The following XRCC4 variants were observed in gnomAD, a reference collection of about 807,000 sequenced individuals.
The protein encoded by XRCC4 is DNA repair protein XRCC4.
A neutral mutation model predicts 39.1 loss-of-function variants in XRCC4; 28 were observed. That is an observed-to-expected ratio of 0.72 (90% CI 0.53 to 0.98). The LOEUF (loss-of-function observed/expected upper bound fraction) is 0.98. Ranked by LOEUF, XRCC4 falls within the 50% of genes least tolerant of loss-of-function variation. XRCC4 has a pLI of 0.00. For synonymous variants in XRCC4, 123 were observed against 126.4 expected (o/e 0.97, Z 0.18); for missense variants, 350 against 376.4 (o/e 0.93, Z 0.58).
chr5:83,170,024 CTT>C (rs978463305), intron 3 of XRCC4, among the ~76,000 whole-genome samples: 1 of 152,030 alleles, frequency 6.6e-6, no homozygotes. Context: ...TTAGTAGAAA[CTT>C]AGCCATTTTT....
At chr5:83,137,219 T>A (rs973037982) in intron 3 of XRCC4, among the ~76,000 whole-genome samples, 2 of 152,194 alleles carry the variant, frequency 1.3e-5, no homozygotes, top group African/African-American at 4.8e-5. Context: ...ATAAAATAAC[T>A]GCTAATTAAA....
At chr5:83,258,058 G>C (rs1227634138) in intron 6 of XRCC4, among the ~76,000 whole-genome samples, 1 of 152,064 alleles carries the variant, frequency 6.6e-6, no homozygotes, top group Non-Finnish European at 1.5e-5. Flanking sequence ...AGCAAGAGGA[G>C]GGATACCATT....
chr5:83,201,564 A>G (rs1751199404), intron 4 of XRCC4: 1 of 152,246 alleles, frequency 6.6e-6, no homozygotes, highest in Admixed American at 6.5e-5. Context: ...CCAATGTATA[A>G]CAGCTGTAGG....
At chr5:83,257,903 C>T (rs1753606023) in intron 6 of XRCC4, among the ~76,000 whole-genome samples, 1 of 152,078 alleles carries the variant, frequency 6.6e-6, no homozygotes, top group African/African-American at 2.4e-5. Flanking sequence ...ATGGATGAAG[C>T]TGAAAACCAT....
chr5:83,112,088 A>C (rs1746469719), intron 3 of XRCC4, among the ~76,000 whole-genome samples: 1 of 152,192 alleles, frequency 6.6e-6, no homozygotes, highest in Non-Finnish European at 1.5e-5. Context: ...AATTTATATT[A>C]TCGTGTAGGG....
At chr5:83,323,118 T>C (rs886643631) in intron 7 of XRCC4, among the ~76,000 whole-genome samples, 30 of 152,120 alleles carry the variant, frequency 2.0e-4, no homozygotes, top group Middle Eastern at 3.4e-3. Flanking sequence ...AGATCTGAAC[T>C]GAAGCTTGAA....
chr5:83,132,018 C>G (rs1223012730), intron 3 of XRCC4, among the ~76,000 whole-genome samples: 1 of 152,126 alleles, frequency 6.6e-6, no homozygotes, highest in East Asian at 1.9e-4. Context: ...GTGGCTCATA[C>G]TGGTTGTTCC....
At chr5:83,150,593 A>T (rs1748657715) in intron 3 of XRCC4, among the ~76,000 whole-genome samples, 1 of 152,192 alleles carries the variant, frequency 6.6e-6, no homozygotes, top group Non-Finnish European at 1.5e-5. Context: ...TCTAGGTGTT[A>T]ACTAATGACT....
chr5:83,369,063 T>G, the XRCC4 span, among the ~76,000 whole-genome samples: 1 of 152,222 alleles, frequency 6.6e-6, no homozygotes, highest in Non-Finnish European at 1.5e-5. Context: ...AGCAAATATG[T>G]AGCAACTTGC....
intron 3 of XRCC4, among the ~76,000 whole-genome samples, chr5:83,152,030 T>C (rs1346069756): frequency 6.6e-6 from 1 of 152,242 alleles, no homozygotes; most frequent in Non-Finnish European, 1.5e-5. Flanking sequence ...TAACTAGTTA[T>C]TATTTTTTAA....
chr5:83,340,665 C>G (rs1756729607), intron 7 of XRCC4, among the ~76,000 whole-genome samples: 1 of 150,790 alleles, frequency 6.6e-6, no homozygotes, highest in South Asian at 2.1e-4. Context: ...ACTAGTGCCT[C>G]CAGAGAAGTA....
At position 83,216,749 on chromosome 5, in the gene XRCC4, T is replaced by C. The variant is rs550866053; in HGVS notation, c.745+11828T>C. Among the ~76,000 whole-genome samples the C allele has an allele frequency of 1.1e-3, 174 of 152,184 alleles. 5 individuals are homozygous for C. The South Asian group carries it at 0.035, about 30-fold the overall frequency. On this transcript the variant is annotated intron_variant, in intron 6 of 7. Transcript: ENST00000396027. ...ATTGTATGATCCTATTTATATCTAA[T>C]ATCAAGAAAAAGGGAATATATATAG...
intron 7 of XRCC4, among the ~76,000 whole-genome samples, chr5:83,315,811 T>A (rs1465332855): frequency 6.6e-6 from 1 of 152,152 alleles, no homozygotes; most frequent in Non-Finnish European, 1.5e-5. Context: ...AGACCTCTGA[T>A]GGATATATAC....
intron 1 of XRCC4, among the ~76,000 whole-genome samples, chr5:83,096,360 T>C (rs888492475): frequency 6.6e-6 from 1 of 152,102 alleles, no homozygotes; most frequent in Non-Finnish European, 1.5e-5. Context: ...TTGGGTCCAC[T>C]GCCAAGACTG....
chr5:83,177,589 A>G (rs1750018616), intron 3 of XRCC4, among the ~76,000 whole-genome samples: 1 of 152,176 alleles, frequency 6.6e-6, no homozygotes, highest in South Asian at 2.1e-4. Context: ...ATTGAGACTC[A>G]ATTCATTGAA....
chr5:83,352,893 ATTG>A (rs1463944934), intron 7 of XRCC4, among the ~76,000 whole-genome samples: 1 of 152,194 alleles, frequency 6.6e-6, no homozygotes, highest in Non-Finnish European at 1.5e-5. Context: ...GATTATGAGT[ATTG>A]TTATAGGTTC....
intron 1 of XRCC4, among the ~76,000 whole-genome samples, chr5:83,081,001 G>C (rs192750114): frequency 1.1e-3 from 175 of 152,302 alleles, no homozygotes; most frequent in African/African-American, 4.0e-3. Flanking sequence ...TATAGCCATA[G>C]TGCATTATAA....
chr5:83,279,710 A>G (rs1012120429), intron 7 of XRCC4, among the ~76,000 whole-genome samples: 2 of 152,242 alleles, frequency 1.3e-5, no homozygotes, highest in Non-Finnish European at 2.9e-5. Flanking sequence ...AGCAATAGTG[A>G]TGGCATCCCA....
chr5:83,191,560 C>A (rs974760903), intron 3 of XRCC4, among the ~76,000 whole-genome samples: 13 of 152,084 alleles, frequency 8.5e-5, no homozygotes, highest in Non-Finnish European at 1.9e-4. Context: ...AAAATTAGGG[C>A]ATGGTGGCCC....
Sources: gnomAD v4.1 joint callset for allele counts (sites outside exome capture counted in the v4.1 genomes callset) on GRCh38, gnomAD v4.1.1 for gene constraint, MANE v1.5 for transcripts, NCBI Gene and HGNC (gene_info 2026-07-23, HGNC 2026-07-21) for gene names.